HEATR5A: variants seen among roughly 807,000 people sequenced by gnomAD.
HEATR5A encodes HEAT repeat-containing protein 5A.
In HEATR5A, 178 loss-of-function variants were observed where a neutral mutation model predicts 218.8. The ratio of observed to expected loss-of-function variants is 0.81; its 90% CI spans 0.72 to 0.92. The LOEUF is 0.92. Among genes scored for constraint, HEATR5A ranks in the 40% least tolerant of loss-of-function variants. The pLI, the probability that HEATR5A is intolerant of heterozygous loss-of-function variation, is 0.00. For synonymous variants in HEATR5A, 864 were observed against 871.6 expected (o/e 0.99, Z 0.15); for missense variants, 2,420 against 2,418.9 (o/e 1.00, Z -0.01).
At chr14:31,373,328 C>CTTT (rs762521678) in intron 12 of HEATR5A, among the ~76,000 whole-genome samples, 4 of 141,936 alleles carry the variant, frequency 2.8e-5, no homozygotes, top group Non-Finnish European at 4.6e-5. Context: ...TGAAACATTA[C>CTTT]TTTTTTTTTT....
chr14:31,383,947 C>G (rs561061797), intron 9 of HEATR5A, among the ~76,000 whole-genome samples, 176 bp from the exon 10 acceptor site: 3 of 152,274 alleles, frequency 2.0e-5, no homozygotes, highest in Admixed American at 2.0e-4. Flanking sequence ...TTTCTCCCTT[C>G]TCACCATTCC....
intron 16 of HEATR5A, among the ~76,000 whole-genome samples, chr14:31,356,924 C>T (rs928014971): frequency 1.3e-5 from 2 of 152,248 alleles, no homozygotes; most frequent in African/African-American, 2.4e-5. Flanking sequence ...AATTTAAATC[C>T]TTTGCTTAAA....
chr14:31,391,966 T>G (rs2030471887), intron 6 of HEATR5A, among the ~76,000 whole-genome samples: 1 of 152,216 alleles, frequency 6.6e-6, no homozygotes, highest in African/African-American at 2.4e-5. Flanking sequence ...GATGCATTTC[T>G]CAGAATGTGT....
Position 31,304,900 on chromosome 14 carries a change from C to A in HEATR5A, c.5239+5G>T. ...CAAGTCAAGCAATCACATACCACAGCATACCTTCAGGAGAGCACACTGCAG... is the reference window on the plus strand; with the variant it reads ...CAAGTCAAGCAATCACATACCACAGAATACCTTCAGGAGAGCACACTGCAG... On this transcript the variant is annotated splice_donor_5th_base_variant and intron_variant, in intron 32 of 35. Transcript: ENST00000543095. 6.2e-7 allele frequency: 1 copy of A among 1,613,542 alleles called. No homozygotes were observed. Among genetic ancestry groups the A allele is most frequent in the Non-Finnish European group, 8.5e-7 (1 of 1,179,738 alleles).
rs761003847 is a variant in HEATR5A at position 31,343,995 on chromosome 14, T to C, written c.3129A>G (p.Pro1043=). 3 of 1,611,408 alleles carry C rather than the reference T, an allele frequency of 1.9e-6. No individual in the cohort carries two copies. The highest frequency in any genetic ancestry group is 1.1e-5 in the South Asian group (1 of 90,714). Residue 1043 remains proline (P), a synonymous_variant, in exon 21 of 36, where the codon CCA becomes CCG. Transcript: ENST00000543095. The part of the protein sequence containing the change: ...LLGCAVMQDN[P]DCLVQAQAIS... ...TGGCCTGAGCTTGAACAAGGCAGTC[T>C]GGGTTATCTTGCATTACTGCACAAC... is the stretch of plus-strand genomic sequence containing the variant.
At chr14:31,413,739 G>C (rs556170891) in intron 1 of HEATR5A, among the ~76,000 whole-genome samples, 133 of 152,264 alleles carry the variant, frequency 8.7e-4, no homozygotes, top group Middle Eastern at 3.4e-3. Flanking sequence ...TACATAGAAA[G>C]ATAATGAGCT....
rs1224585668 is a variant in HEATR5A at position 31,292,441 on chromosome 14, T to G, written c.*864A>C. 1 of 152,174 alleles carries G rather than the reference T, an allele frequency of 6.6e-6. No homozygotes were observed. The highest frequency in any genetic ancestry group is 2.4e-5 in the African/African-American group (1 of 41,456). 9.4% of individuals were successfully genotyped at this position (152,174 alleles called of 1,614,324 possible). On this transcript the variant is annotated 3_prime_UTR_variant, in exon 36 of 36. Coordinates refer to ENST00000543095, the MANE Select transcript of HEATR5A (RefSeq NM_015473.4). The stretch of plus-strand genomic sequence containing the variant: ...AAACCATGATATAGACACCAAATCT[T>G]ATGTTGCACTGTAAGGCTGTAAGTA...
At chr14:31,298,258 A>T (rs1355447023) in intron 33 of HEATR5A, among the ~76,000 whole-genome samples, 1 of 131,786 alleles carries the variant, frequency 7.6e-6, no homozygotes, top group African/African-American at 2.5e-5. Context: ...TTGCTCTTTT[A>T]AGCCACTAAG....
At chr14:31,369,897 G>A (rs1287722069) in intron 13 of HEATR5A, among the ~76,000 whole-genome samples, 1 of 147,890 alleles carries the variant, frequency 6.8e-6, no homozygotes, top group African/African-American at 2.5e-5. Flanking sequence ...TCGCGCCACT[G>A]CACTCCAGCC....
At chr14:31,385,196 G>C (rs78807997) in intron 9 of HEATR5A, among the ~76,000 whole-genome samples, 5,059 of 152,284 alleles carry the variant, frequency 0.033, 121 homozygotes, top group Middle Eastern at 0.058. Flanking sequence ...CATGATAATA[G>C]CTCACTGTAG....
chr14:31,414,847 GT>G (rs2031393169), intron 1 of HEATR5A, among the ~76,000 whole-genome samples: 1 of 151,936 alleles, frequency 6.6e-6, no homozygotes, highest in South Asian at 2.1e-4. Flanking sequence ...TTATTTGTTT[GT>G]TTGTTTGTTT....
In HEATR5A at chr14:31,321,388, C is replaced by T. The variant is rs191685776; in HGVS notation, c.3969+111G>A. 7.7e-4 allele frequency: 566 copies of T among 737,810 alleles called. 6 individuals are homozygous for T. In the East Asian group the frequency reaches 0.015, roughly 20 times the overall value. The allele number at this position is 737,810 out of a possible 1,614,324, so 45.7% of individuals were successfully genotyped here. On this transcript the variant is annotated intron_variant, in intron 25 of 35. Coordinates refer to ENST00000543095, the MANE Select transcript of HEATR5A (RefSeq NM_015473.4). ...ACTCCTGGGCTCAAAGCTACCTACC[C>T]GCCTTGGCCTCCCGAAGTGCTGGGA...
chr14:31,387,690 G>C (rs1393413220), intron 7 of HEATR5A, among the ~76,000 whole-genome samples: 4 of 152,000 alleles, frequency 2.6e-5, no homozygotes, highest in African/African-American at 9.7e-5. Context: ...CTCTCGAGTA[G>C]CTGGGACTAC....
Position 31,302,475 on chromosome 14 carries a change from C to A in HEATR5A, c.5284G>T (p.Val1762Phe), listed in dbSNP as rs1899415023. 5.0e-6 allele frequency: 8 copies of A among 1,592,010 alleles called. No individual in the cohort carries two copies. Among genetic ancestry groups the A allele is most frequent in the Non-Finnish European group, 6.8e-6 (8 of 1,168,236 alleles). Residue 1762 changes from valine (V) to phenylalanine (F), a missense_variant, in exon 33 of 36, where the codon GTC (valine) becomes TTC (phenylalanine). Coordinates refer to ENST00000543095, the MANE Select transcript of HEATR5A (RefSeq NM_015473.4). The stretch of plus-strand genomic sequence containing the variant: ...AACTTCACAGCAGTCTCTCTGAGGA[C>A]CCCGATTGTGAGGTACAATATAGTA... The part of the protein sequence containing the change: ...LPTILYLTIG[V>F]LRETAVKLPG...
chr14:31,380,201 C>A (rs2029925524), intron 11 of HEATR5A, among the ~76,000 whole-genome samples: 1 of 152,016 alleles, frequency 6.6e-6, no homozygotes. Context: ...CAGAGTTAAG[C>A]CTGAAAGATG....
intron 4 of HEATR5A, 95 bp downstream of exon 4, chr14:31,398,578 G>A: frequency 4.7e-6 from 3 of 634,644 alleles, no homozygotes; most frequent in South Asian, 4.4e-5. Flanking sequence ...ATCTACATAT[G>A]CTTGACATAT....
rs372920581 is a variant in HEATR5A, at chr14:31,343,914, G to A, written c.3210C>T (p.Ser1070=). 4.4e-5 allele frequency: 70 copies of A among 1,603,754 alleles called. No individual in the cohort carries two copies. The African/African-American group carries it at 6.2e-4, about 14-fold the overall frequency. The change falls in exon 21 of 36, where the codon AGC becomes AGT. Residue 1070 remains serine (S), a synonymous_variant. Coordinates refer to ENST00000543095, the MANE Select transcript of HEATR5A (RefSeq NM_015473.4). ...MFAPRHVNLS[S]LVSCLCVNLC... ...TACTCACACAGAGGCAGCTAACCAG[G>A]CTAGACAAGTTGACATGTCGTGGAG...
intron 1 of HEATR5A, among the ~76,000 whole-genome samples, chr14:31,418,278 G>C (rs1434394626): frequency 6.6e-6 from 1 of 152,124 alleles, no homozygotes; most frequent in African/African-American, 2.4e-5. Context: ...TCCTACAAAA[G>C]ATTTAGTGAT....
intron 4 of HEATR5A, among the ~76,000 whole-genome samples, chr14:31,396,708 G>C (rs1237519186): frequency 6.6e-6 from 1 of 152,186 alleles, no homozygotes; most frequent in African/African-American, 2.4e-5. Flanking sequence ...AGTTCCAAAT[G>C]TTGTGTATCA....
Sources: gnomAD v4.1 joint callset for allele counts (sites outside exome capture counted in the v4.1 genomes callset) on GRCh38, gnomAD v4.1.1 for gene constraint, MANE v1.5 for transcripts, NCBI Gene and HGNC (gene_info 2026-07-23, HGNC 2026-07-21) for gene names.